The following SOX5 variants were observed in gnomAD, a reference collection of about 807,000 sequenced individuals.
SOX5 encodes the protein transcription factor SOX-5.
In SOX5, 9 loss-of-function variants were observed where a neutral mutation model predicts 92.0. That is an observed-to-expected ratio of 0.10 (90% confidence interval 0.06 to 0.17). SOX5 has a LOEUF of 0.17. SOX5 is among the 10% of genes least tolerant of loss of function. The pLI is 1.00. For synonymous variants in SOX5, 344 were observed against 336.3 expected, an observed-to-expected ratio of 1.02 and a Z score of -0.25; for missense variants, 642 against 944.5, an observed-to-expected ratio of 0.68 and a Z score of 4.20.
chr12:24,149,169 G>C (rs1951413854), intron 4 of SOX5, among the ~76,000 whole-genome samples: 1 of 151,956 alleles, frequency 6.6e-6, no homozygotes, highest in African/African-American at 2.4e-5. Flanking sequence ...TGTTGGGTGA[G>C]GCAAATATTG....
At chr12:24,241,509 A>G (rs1377318405) in intron 3 of SOX5, among the ~76,000 whole-genome samples, 1 of 152,198 alleles carries the variant, frequency 6.6e-6, no homozygotes, top group African/African-American at 2.4e-5. Flanking sequence ...CCCAGAGAAT[A>G]TATCAAATGA....
chr12:23,689,639 A>G (rs1039471780), intron 6 of SOX5, among the ~76,000 whole-genome samples: 14 of 152,068 alleles, frequency 9.2e-5, no homozygotes, highest in Non-Finnish European at 1.9e-4. Flanking sequence ...TCTTTTTCCT[A>G]TCTCCCAAAA....
intron 11 of SOX5, among the ~76,000 whole-genome samples, chr12:23,550,908 C>T (rs1325535983): frequency 4.6e-5 from 7 of 151,900 alleles, no homozygotes; most frequent in Non-Finnish European, 1.5e-5. Context: ...TAGATATTTC[C>T]TTAGTTACCT....
intron 6 of SOX5, among the ~76,000 whole-genome samples, chr12:23,689,837 C>T (rs1041973996): frequency 6.6e-6 from 1 of 152,176 alleles, no homozygotes; most frequent in African/African-American, 2.4e-5. Flanking sequence ...TAAATTCTCA[C>T]AGTGAGAGAT....
chr12:24,276,102 T>C (rs1055573996), intron 3 of SOX5, among the ~76,000 whole-genome samples: 1 of 152,108 alleles, frequency 6.6e-6, no homozygotes, highest in Admixed American at 6.6e-5. Context: ...TTAATTTTAT[T>C]TATATTGGTA....
chr12:23,560,437 A>ATGTT, intron 11 of SOX5, among the ~76,000 whole-genome samples: 1 of 152,248 alleles, frequency 6.6e-6, no homozygotes, highest in Non-Finnish European at 1.5e-5. Flanking sequence ...AAATAACACT[A>ATGTT]TATGCATAGA....
intron 9 of SOX5, among the ~76,000 whole-genome samples, chr12:23,601,893 T>C (rs981346958): frequency 1.3e-5 from 2 of 152,142 alleles, no homozygotes; most frequent in South Asian, 4.1e-4. Flanking sequence ...ATAAGAGTGG[T>C]TGTGGACAGT....
At chr12:23,862,775 G>T (rs897345447) in intron 2 of SOX5, among the ~76,000 whole-genome samples, 5 of 152,094 alleles carry the variant, frequency 3.3e-5, no homozygotes, top group Admixed American at 3.3e-4. Flanking sequence ...CTGAATTTAC[G>T]TGCTACCTGA....
chr12:23,907,702 G>A (rs921264827), intron 1 of SOX5, among the ~76,000 whole-genome samples: 26 of 151,712 alleles, frequency 1.7e-4, no homozygotes, highest in Admixed American at 1.2e-3. Flanking sequence ...GGGAGAAGAT[G>A]GATGTTCATT....
intron 4 of SOX5, among the ~76,000 whole-genome samples, chr12:24,201,143 C>T (rs4473021): frequency 0.55 from 84,062 of 151,908 alleles, 23,764 homozygotes; most frequent in Middle Eastern, 0.65. Context: ...GGGCAAGTCC[C>T]AGAATCTCTC....
intron 9 of SOX5, among the ~76,000 whole-genome samples, chr12:23,593,516 G>T (rs1157630549): frequency 6.6e-6 from 1 of 152,096 alleles, no homozygotes; most frequent in Admixed American, 6.5e-5. Flanking sequence ...CTACCATATT[G>T]TATGTACATT....
At chr12:23,911,893 T>C (rs1253909904) in intron 1 of SOX5, among the ~76,000 whole-genome samples, 1 of 152,120 alleles carries the variant, frequency 6.6e-6, no homozygotes, top group Non-Finnish European at 1.5e-5. Flanking sequence ...GGTTAGGCAA[T>C]GGTTTGCTAC....
intron 4 of SOX5, among the ~76,000 whole-genome samples, chr12:23,963,583 T>G (rs1252165503): frequency 1.3e-5 from 2 of 152,034 alleles, no homozygotes; most frequent in Non-Finnish European, 2.9e-5. Flanking sequence ...TAGAGAGCAT[T>G]CAGGGATATT....
chr12:24,065,597 A>G (rs1940549178), intron 4 of SOX5, among the ~76,000 whole-genome samples: 1 of 146,376 alleles, frequency 6.8e-6, no homozygotes, highest in Non-Finnish European at 1.5e-5. Context: ...CAGTGAGCTG[A>G]GATCACATCA....
intron 4 of SOX5, among the ~76,000 whole-genome samples, chr12:23,965,425 TG>T (rs1210934086): frequency 6.6e-6 from 1 of 151,970 alleles, no homozygotes; most frequent in Non-Finnish European, 1.5e-5. Flanking sequence ...CACAGTTAGA[TG>T]GGGGGGACCT....
chr12:24,073,640 G>C (rs1592901679), intron 4 of SOX5, among the ~76,000 whole-genome samples: 2 of 152,244 alleles, frequency 1.3e-5, no homozygotes, highest in East Asian at 3.9e-4. Context: ...ATGAGAATCT[G>C]TGAAAACACT....
intron 6 of SOX5, among the ~76,000 whole-genome samples, chr12:23,706,162 A>G (rs76736907): frequency 0.012 from 1,795 of 152,196 alleles, 30 homozygotes; most frequent in African/African-American, 0.04. Flanking sequence ...TTTGGAATAT[A>G]GTAAACAAAT....
intron 1 of SOX5, among the ~76,000 whole-genome samples, chr12:24,381,491 A>T (rs999358278): frequency 5.9e-5 from 9 of 152,168 alleles, no homozygotes; most frequent in African/African-American, 2.2e-4. Flanking sequence ...ATCACATGGA[A>T]AATAGTTTTT....
intron 3 of SOX5, among the ~76,000 whole-genome samples, chr12:24,276,499 T>TA (rs1944448724): frequency 6.6e-6 from 1 of 152,290 alleles, no homozygotes; most frequent in South Asian, 2.1e-4. Flanking sequence ...CTTTCAATCT[T>TA]ACTGGTGACA....
Sources: allele counts gnomAD v4.1 joint callset (sites outside exome capture counted in the v4.1 genomes callset), GRCh38; gene constraint gnomAD v4.1.1; transcripts MANE v1.5; gene names NCBI Gene and HGNC (gene_info 2026-07-23, HGNC 2026-07-21).